The following CNTLN variants were observed in gnomAD, a reference collection of about 807,000 sequenced individuals.
The protein encoded by CNTLN is centlein, also known as centlein, centrosomal protein.
In CNTLN, 212 loss-of-function variants were observed where a neutral mutation model predicts 180.0. The observed-to-expected ratio is 1.18, with a 90% CI of 1.05 to 1.32. The LOEUF (loss-of-function observed/expected upper bound fraction) is 1.32, where lower values mean the gene tolerates loss of function less well. Ranked by LOEUF, CNTLN falls within the 40% of genes most tolerant of loss-of-function variation. The pLI, the probability that CNTLN is intolerant of heterozygous loss-of-function variation, is 0.00. For synonymous variants in CNTLN, 722 were observed against 563.1 expected (o/e 1.28, Z -3.99); for missense variants, 2,095 against 1,610.9 (o/e 1.30, Z -5.14).
intron 18 of CNTLN, among the ~76,000 whole-genome samples, chr9:17,435,586 G>A (rs1355969152): frequency 6.7e-6 from 1 of 149,372 alleles, no homozygotes; most frequent in East Asian, 2.0e-4. Context: ...TTGAGACAGA[G>A]TTTTGCTCTT....
chr9:17,461,555 A>AT (rs1831450169), intron 19 of CNTLN, among the ~76,000 whole-genome samples: 1 of 151,762 alleles, frequency 6.6e-6, no homozygotes, highest in Admixed American at 6.6e-5. Context: ...TGTTATACCC[A>AT]TGAGATATTT....
chr9:17,182,576 T>C (rs1047603954), intron 2 of CNTLN, among the ~76,000 whole-genome samples: 6 of 152,218 alleles, frequency 3.9e-5, no homozygotes, highest in African/African-American at 1.4e-4. Flanking sequence ...TATTTTGTCA[T>C]TGTATTTGGT....
Position 17,327,319 on chromosome 9 carries a change from C to A in CNTLN, c.1342-3313C>A, listed in dbSNP as rs1820365015. Among the ~76,000 whole-genome samples, 3 of 148,122 alleles carry A rather than the reference C, an allele frequency of 2.0e-5. No homozygotes were observed. In the South Asian group the frequency reaches 6.4e-4, roughly 32 times the overall value. On this transcript the variant is annotated intron_variant, in intron 8 of 25. Coordinates refer to ENST00000380647, the MANE Select transcript of CNTLN (RefSeq NM_017738.4). ...CTCCGCCTCCCAGGTTCACGGCCAT[C>A]CTCCTGCCTCAGCCTCCCGAGTAGC...
chr9:17,436,842 G>T (rs1352675430), intron 18 of CNTLN, among the ~76,000 whole-genome samples: 1 of 152,174 alleles, frequency 6.6e-6, no homozygotes, highest in African/African-American at 2.4e-5. Flanking sequence ...TAATAATGAA[G>T]TAGAAAACTA....
chr9:17,507,102 A>C (rs1464532912), downstream of CNTLN, among the ~76,000 whole-genome samples: 1 of 152,102 alleles, frequency 6.6e-6, no homozygotes, highest in Non-Finnish European at 1.5e-5. Flanking sequence ...CCAAGTAGCA[A>C]ACAGTACCTG....
intron 2 of CNTLN, among the ~76,000 whole-genome samples, chr9:17,216,197 C>T (rs1224573103): frequency 6.6e-6 from 1 of 152,132 alleles, no homozygotes; most frequent in Admixed American, 6.6e-5. Context: ...TTGGAACTGT[C>T]CCCCAGGCTA....
intron 18 of CNTLN, among the ~76,000 whole-genome samples, chr9:17,444,009 A>G (rs1203131045): frequency 6.6e-6 from 1 of 152,238 alleles, no homozygotes; most frequent in Non-Finnish European, 1.5e-5. Context: ...GTTGGACTTT[A>G]CTAAGAAGAC....
Position 17,235,709 on chromosome 9 carries a change from G to T in CNTLN, c.586G>T (p.Ala196Ser), listed in dbSNP as rs1825102503. 4.4e-6 allele frequency: 7 copies of T among 1,607,980 alleles called. No individual in the cohort carries two copies. Among genetic ancestry groups the T allele is most frequent in the Non-Finnish European group, 5.9e-6 (7 of 1,177,258 alleles). The change falls in exon 4 of 26, where the codon GCA (alanine) becomes TCA (serine). Residue 196 changes from alanine to serine, a missense_variant. Coordinates refer to ENST00000380647, the MANE Select transcript of CNTLN (RefSeq NM_017738.4). ...EINDLVKRKIAVDEENAFLRK... is the reference protein window; with the variant it reads ...EINDLVKRKISVDEENAFLRK... ...AAATGACCTTGTAAAACGGAAAATT[G>T]CAGTAGATGAAGAAAATGCTTTCTT...
chr9:17,311,300 C>T lies in CNTLN; in HGVS notation c.1341+2048C>T, dbSNP rs575815926. 3.3e-5 allele frequency among the ~76,000 whole-genome samples: 5 copies of T among 151,792 alleles called. No homozygotes were observed. The East Asian group carries it at 5.9e-4, about 18-fold the overall frequency. On this transcript the variant is annotated intron_variant, in intron 8 of 25. Transcript: ENST00000380647. The stretch of plus-strand genomic sequence containing the variant: ...GTGGCCTTCCAAAGTGCTGGGATTA[C>T]AGGCATGAGCCACCGTGCCTGGCCA...
chr9:17,380,996 C>A (rs1440132461), intron 13 of CNTLN, among the ~76,000 whole-genome samples: 1 of 152,156 alleles, frequency 6.6e-6, no homozygotes, highest in Non-Finnish European at 1.5e-5. Flanking sequence ...GTCACCTCCA[C>A]CCGTGATTTC....
At chr9:17,248,010 A>G (rs1393423647) in intron 5 of CNTLN, among the ~76,000 whole-genome samples, 1 of 151,736 alleles carries the variant, frequency 6.6e-6, no homozygotes, top group Non-Finnish European at 1.5e-5. Flanking sequence ...ATTTGTAGAG[A>G]CAGGGTTTTG....
chr9:17,501,902 G>A (rs1354031821), intron 25 of CNTLN, among the ~76,000 whole-genome samples: 1 of 152,124 alleles, frequency 6.6e-6, no homozygotes, highest in Non-Finnish European at 1.5e-5. Flanking sequence ...AGTTCTACAG[G>A]CAACTCAGTG....
the CNTLN span, among the ~76,000 whole-genome samples, chr9:17,512,209 A>T: frequency 6.6e-6 from 1 of 152,254 alleles, no homozygotes; most frequent in Admixed American, 6.5e-5. Flanking sequence ...AGCAGGAAGC[A>T]GGCAGTGTAA....
At chr9:17,427,205 C>T (rs754305021) in intron 18 of CNTLN, among the ~76,000 whole-genome samples, 1 of 151,990 alleles carries the variant, frequency 6.6e-6, no homozygotes, top group Non-Finnish European at 1.5e-5. Flanking sequence ...GCTACCGAAC[C>T]TCCAGTCACA....
At chr9:17,445,994 C>A (rs992008075) in intron 18 of CNTLN, among the ~76,000 whole-genome samples, 4 of 152,220 alleles carry the variant, frequency 2.6e-5, no homozygotes, top group African/African-American at 9.6e-5. Flanking sequence ...AAGCATTGAG[C>A]TGTTTATGTG....
At chr9:17,406,893 A>C (rs1163867292) in intron 15 of CNTLN, among the ~76,000 whole-genome samples, 1 of 151,518 alleles carries the variant, frequency 6.6e-6, no homozygotes, top group East Asian at 1.9e-4. Flanking sequence ...CTCCAATCAA[A>C]TCTAAACAGT....
chr9:17,379,800 A>G (rs1191157591), intron 13 of CNTLN, among the ~76,000 whole-genome samples: 1 of 152,192 alleles, frequency 6.6e-6, no homozygotes, highest in Non-Finnish European at 1.5e-5. Flanking sequence ...CAAGTATCTT[A>G]AAAGTTAAGC....
chr9:17,145,153 T>G (rs1023164800), intron 2 of CNTLN, among the ~76,000 whole-genome samples: 1 of 152,250 alleles, frequency 6.6e-6, no homozygotes, highest in African/African-American at 2.4e-5. Context: ...GAGAATTTAT[T>G]AAAATGAAGA....
intron 18 of CNTLN, among the ~76,000 whole-genome samples, chr9:17,449,367 G>C (rs528004723): frequency 1.3e-5 from 2 of 150,238 alleles, no homozygotes; most frequent in Non-Finnish European, 2.9e-5. Flanking sequence ...AGAACATGCG[G>C]TGTTTGGTTT....
Sources: allele counts gnomAD v4.1 joint callset (sites outside exome capture counted in the v4.1 genomes callset), GRCh38; gene constraint gnomAD v4.1.1; transcripts MANE v1.5; gene names NCBI Gene and HGNC (gene_info 2026-07-23, HGNC 2026-07-21).